Variants in KLF13 observed in about 807,000 individuals in gnomAD.
The protein encoded by KLF13 is Krueppel-like factor 13.
A neutral mutation model predicts 16.7 loss-of-function variants in KLF13; 8 were observed. The observed-to-expected ratio is 0.48, with a 90% CI of 0.28 to 0.87. The LOEUF is 0.87. Ranked by LOEUF, KLF13 falls within the 40% of genes least tolerant of loss-of-function variation. The pLI is 0.10. For synonymous variants in KLF13, 245 were observed against 208.4 expected, an observed-to-expected ratio of 1.18 and a Z score of -1.51; for missense variants, 447 against 452.2, an observed-to-expected ratio of 0.99 and a Z score of 0.10.
downstream of KLF13, among the ~76,000 whole-genome samples, chr15:31,406,078 G>A (rs1397792776): frequency 2.6e-5 from 4 of 152,192 alleles, no homozygotes; most frequent in Admixed American, 1.3e-4. Flanking sequence ...TCAGGAGGAG[G>A]ATAGGAAAGT....
downstream of KLF13, among the ~76,000 whole-genome samples, chr15:31,405,273 C>G (rs1386018656): frequency 6.6e-6 from 1 of 152,146 alleles, no homozygotes. Context: ...GAGATCGCAC[C>G]ACTGCACTCC....
intron 2 of KLF13, among the ~76,000 whole-genome samples, chr15:31,394,326 A>G (rs2039922294): frequency 6.6e-6 from 1 of 151,946 alleles, no homozygotes; most frequent in African/African-American, 2.4e-5. Flanking sequence ...AAAAAAATAC[A>G]AAAACAAAAA....
intron 2 of KLF13, among the ~76,000 whole-genome samples, chr15:31,402,874 C>A (rs7178737): frequency 3.3e-5 from 5 of 151,504 alleles, no homozygotes; most frequent in African/African-American, 7.3e-5. Context: ...AAAAAAAAAA[C>A]AACTTTTAAG....
At chr15:31,407,464 C>T (rs2040143090), downstream of KLF13, among the ~76,000 whole-genome samples, 1 of 152,176 alleles carries the variant, frequency 6.6e-6, no homozygotes, top group Non-Finnish European at 1.5e-5. Flanking sequence ...AGGCTTCCTT[C>T]AAGGCTGGAG....
chr15:31,433,968 A>T (rs1238127083), intron 1 of KLF13, among the ~76,000 whole-genome samples: 1 of 152,164 alleles, frequency 6.6e-6, no homozygotes, highest in Non-Finnish European at 1.5e-5. Flanking sequence ...ACCACCCCTC[A>T]CATTTCTTTT....
chr15:31,403,134 T>G (rs985233291), intron 2 of KLF13, among the ~76,000 whole-genome samples: 6 of 152,238 alleles, frequency 3.9e-5, no homozygotes, highest in African/African-American at 1.4e-4. Flanking sequence ...CCAAAATGTT[T>G]GAGTATAGAT....
intron 1 of KLF13, among the ~76,000 whole-genome samples, chr15:31,413,585 A>C (rs1479280119): frequency 1.3e-5 from 2 of 152,136 alleles, no homozygotes; most frequent in African/African-American, 2.4e-5. Context: ...TTCAAAGAAA[A>C]AAATCATCAA....
intron 1 of KLF13, among the ~76,000 whole-genome samples, chr15:31,413,204 A>AAAAAAAAAAAAAAAAAAAC (rs1566843725): frequency 8.0e-6 from 1 of 125,582 alleles, no homozygotes; most frequent in Non-Finnish European, 1.8e-5. Flanking sequence ...AAAAAAAAAC[A>AAAAAAAAAAAAAAAAAAAC]AAAAACAAAA....
intron 2 of KLF13, among the ~76,000 whole-genome samples, chr15:31,400,569 G>A (rs902097218): frequency 1.3e-5 from 2 of 152,196 alleles, no homozygotes; most frequent in African/African-American, 4.8e-5. Context: ...GCAGGGGGCT[G>A]GAGCAGAACA....
intron 1 of KLF13, among the ~76,000 whole-genome samples, chr15:31,383,857 A>G (rs541220096): frequency 3.0e-4 from 46 of 152,218 alleles, no homozygotes; most frequent in Middle Eastern, 3.4e-3. Flanking sequence ...AGCCAAGATC[A>G]CGCCACTGCA....
Position 31,387,022 on chromosome 15 carries a change from C to G in KLF13, n.224-48348C>G, listed in dbSNP as rs941257563. On this transcript the variant is annotated intron_variant and non_coding_transcript_variant, in intron 1 of 1. Coordinates refer to the KLF13 transcript ENST00000558921. ...GTTGCTTCTTATGGATGAGCAAAAA[C>G]AGTGGTTTCTTGAGATGGAATCTAC... Among the ~76,000 whole-genome samples, 3 of 152,286 alleles carry G rather than the reference C, an allele frequency of 2.0e-5. No homozygotes were observed. In the East Asian group the frequency reaches 5.8e-4, roughly 29 times the overall value.
chr15:31,350,680 C>T (rs1486160770), intron 1 of KLF13, among the ~76,000 whole-genome samples: 1 of 152,210 alleles, frequency 6.6e-6, no homozygotes, highest in Non-Finnish European at 1.5e-5. Context: ...CTGGGACTTG[C>T]ACAAGCACTG....
At chr15:31,396,984 AGATCTCGTTCACTGTCTGG>A (rs1416064576) in intron 2 of KLF13, among the ~76,000 whole-genome samples, 3 of 152,096 alleles carry the variant, frequency 2.0e-5, no homozygotes, top group Admixed American at 2.0e-4. Context: ...TAGTTAAGTC[AGATCTCGTTCACTGTCTGG>A]GTTATAATTT....
At chr15:31,328,738 C>T (rs2038770144) in intron 1 of KLF13, among the ~76,000 whole-genome samples, 1 of 152,186 alleles carries the variant, frequency 6.6e-6, no homozygotes, top group African/African-American at 2.4e-5. Context: ...GTGGCGGTTC[C>T]CTCCCCCCTT....
At chr15:31,420,788 G>T (rs2040313038) in intron 1 of KLF13, 2 of 174,584 alleles carry the variant, frequency 1.1e-5, no homozygotes, top group South Asian at 2.4e-4. Flanking sequence ...CACCTCCCAG[G>T]TTCAAACGAT....
At chr15:31,340,385 C>T (rs2039001598) in intron 1 of KLF13, among the ~76,000 whole-genome samples, 1 of 152,230 alleles carries the variant, frequency 6.6e-6, no homozygotes. Flanking sequence ...CTGGCCTTTC[C>T]AGGTTTCCCT....
chr15:31,327,534 C>T lies in KLF13; in HGVS notation c.322C>T (p.Pro108Ser), dbSNP rs2038735841. ...GCCGCCCGCCCCCGAGCCCACCTCC[C>T]CCGGCGCCGAAGGCGCGGCGGCCGC... The part of the protein sequence containing the change: ...LPPPAPEPTS[P>S]GAEGAAAAPP... The change falls in exon 1 of 2, where the codon CCC (proline) becomes TCC (serine). Residue 108 changes from proline to serine, a missense_variant. By Grantham distance (74) the Pro-to-Ser change is moderately conservative (BLOSUM62 -1). Coordinates refer to ENST00000307145, the MANE Select transcript of KLF13 (RefSeq NM_015995.4). 4 of 1,114,430 alleles carry T rather than the reference C, an allele frequency of 3.6e-6. No homozygotes were observed. Among genetic ancestry groups the T allele is most frequent in the Non-Finnish European group, 4.4e-6 (4 of 913,430 alleles). The allele number at this position is 1,114,430 out of a possible 1,614,324, so 69.0% of individuals were successfully genotyped here. A position where few individuals can be genotyped will look rare whatever the true frequency, so the allele number is the denominator to read the frequency against.
intron 1 of KLF13, among the ~76,000 whole-genome samples, chr15:31,337,187 G>A (rs1242707536): frequency 6.6e-6 from 1 of 152,206 alleles, no homozygotes; most frequent in Non-Finnish European, 1.5e-5. Flanking sequence ...AGTGGCCTGC[G>A]GCAGGGCAGG....
chr15:31,429,467 A>G (rs2040442713), intron 1 of KLF13, among the ~76,000 whole-genome samples: 1 of 152,220 alleles, frequency 6.6e-6, no homozygotes, highest in African/African-American at 2.4e-5. Context: ...TAATAGGTAC[A>G]GAATTTGTCT....
Sources: allele counts gnomAD v4.1 joint callset (sites outside exome capture counted in the v4.1 genomes callset), GRCh38; gene constraint gnomAD v4.1.1; transcripts MANE v1.5; gene names NCBI Gene and HGNC (gene_info 2026-07-23, HGNC 2026-07-21).